The following ADGRL3 variants were observed in gnomAD, a reference collection of about 807,000 sequenced individuals.
The protein encoded by ADGRL3 is calcium-independent alpha-latrotoxin receptor 3.
ADGRL3 carries 62 observed loss-of-function variants against 153.5 expected under a neutral mutation model. That is an observed-to-expected ratio of 0.40 (90% CI 0.33 to 0.50). The LOEUF is 0.50. Ranked by LOEUF, ADGRL3 falls within the 20% of genes least tolerant of loss-of-function variation. The pLI, the probability that ADGRL3 is intolerant of heterozygous loss-of-function variation, is 0.47. For synonymous variants in ADGRL3, 710 were observed against 672.5 expected (o/e 1.06, Z -0.86); for missense variants, 1,641 against 1,859.4 (o/e 0.88, Z 2.16).
At chr4:61,715,165 A>G (rs916625967) in intron 6 of ADGRL3, among the ~76,000 whole-genome samples, 2 of 152,156 alleles carry the variant, frequency 1.3e-5, no homozygotes, top group African/African-American at 4.8e-5. Context: ...CATTTTTGAA[A>G]CACTTGGCCA....
chr4:61,498,367 C>T (rs960252561), intron 3 of ADGRL3, among the ~76,000 whole-genome samples: 1 of 151,818 alleles, frequency 6.6e-6, no homozygotes, highest in East Asian at 1.9e-4. Context: ...TGGCTAACAC[C>T]GTGAAACCCC....
chr4:61,724,379 A>G (rs571714401), intron 6 of ADGRL3, among the ~76,000 whole-genome samples: 1 of 152,346 alleles, frequency 6.6e-6, no homozygotes, highest in African/African-American at 2.4e-5. Flanking sequence ...AGATCCATCA[A>G]TGGCATGGAA....
In ADGRL3 at chr4:62,075,627, G is replaced by T. The variant is rs1341585712; in HGVS notation, c.*4719G>T. On this transcript the variant is annotated 3_prime_UTR_variant, in exon 27 of 27. Transcript: ENST00000683033. ...AACTTACCACATAAACAATTACTATGCATTTCTAAGTAACGTTTTCAATAT... is the reference window on the plus strand; with the variant it reads ...AACTTACCACATAAACAATTACTATTCATTTCTAAGTAACGTTTTCAATAT... 1.3e-5 allele frequency: 2 copies of T among 152,050 alleles called. No individual in the cohort carries two copies. The highest frequency in any genetic ancestry group is 4.8e-5 in the African/African-American group (2 of 41,398). The allele number at this position is 152,050 out of a possible 1,614,324, so 9.4% of individuals were successfully genotyped here. A position where few individuals can be genotyped will look rare whatever the true frequency, so the allele number is the denominator to read the frequency against.
intron 1 of ADGRL3, among the ~76,000 whole-genome samples, chr4:61,353,746 G>T (rs1442258058): frequency 6.6e-6 from 1 of 151,230 alleles, no homozygotes; most frequent in East Asian, 1.9e-4. Flanking sequence ...CATCCTAAGT[G>T]TTCTTTATTT....
At chr4:61,446,471 T>G (rs1285601783) in intron 2 of ADGRL3, among the ~76,000 whole-genome samples, 1 of 152,214 alleles carries the variant, frequency 6.6e-6, no homozygotes, top group African/African-American at 2.4e-5. Flanking sequence ...TCCAAGCTCT[T>G]GAGGGAGATA....
chr4:61,512,230 T>C (rs1338564181), intron 3 of ADGRL3, among the ~76,000 whole-genome samples: 4 of 152,210 alleles, frequency 2.6e-5, no homozygotes, highest in Non-Finnish European at 5.9e-5. Context: ...CACAATACTT[T>C]CCTGTTAGCT....
chr4:61,344,126 A>G (rs2095855731), intron 1 of ADGRL3, among the ~76,000 whole-genome samples: 1 of 152,202 alleles, frequency 6.6e-6, no homozygotes, highest in Non-Finnish European at 1.5e-5. Flanking sequence ...TGTGAGATAG[A>G]AAGAGAGAAA....
chr4:61,205,791 T>A (rs1736864496), intron 1 of ADGRL3, among the ~76,000 whole-genome samples: 1 of 152,110 alleles, frequency 6.6e-6, no homozygotes, highest in African/African-American at 2.4e-5. Context: ...AAATCCAGAT[T>A]TTTCATTCAT....
At chr4:61,281,723 C>T (rs966467604) in intron 1 of ADGRL3, among the ~76,000 whole-genome samples, 3 of 152,100 alleles carry the variant, frequency 2.0e-5, no homozygotes, top group African/African-American at 7.2e-5. Flanking sequence ...CTGGCCTTGA[C>T]TGAGCATTAG....
chr4:61,979,297 C>T (rs2099059180), intron 17 of ADGRL3, among the ~76,000 whole-genome samples: 1 of 152,198 alleles, frequency 6.6e-6, no homozygotes, highest in African/African-American at 2.4e-5. Flanking sequence ...GCTTTAACTA[C>T]TTATATTCTG....
At chr4:61,409,908 C>T (rs1013717152) in intron 2 of ADGRL3, among the ~76,000 whole-genome samples, 1 of 151,814 alleles carries the variant, frequency 6.6e-6, no homozygotes, top group African/African-American at 2.4e-5. Context: ...TAAGGGATCA[C>T]AGAATGGGAA....
chr4:61,441,750 G>A (rs947424517), intron 2 of ADGRL3, among the ~76,000 whole-genome samples: 4 of 152,062 alleles, frequency 2.6e-5, no homozygotes, highest in African/African-American at 9.7e-5. Flanking sequence ...TTCACATGAA[G>A]TACTGTCTTT....
chr4:61,763,412 C>A (rs537600197), intron 8 of ADGRL3, among the ~76,000 whole-genome samples: 27 of 151,916 alleles, frequency 1.8e-4, no homozygotes, highest in Non-Finnish European at 2.8e-4. Context: ...TCTCCATCTC[C>A]TGACCTCATG....
At position 61,694,176 on chromosome 4, in the gene ADGRL3, ATTATTTTTTTTTTTTTTTTTT is replaced by A. The variant is rs1482044551; in HGVS notation, c.583+17244_583+17264del. On this transcript the variant is annotated intron_variant, in intron 6 of 26. Coordinates refer to ENST00000683033, the MANE Select transcript of ADGRL3 (RefSeq NM_001387552.1). ...TCCTATACTATTTTAAAATTTTGTC[ATTATTTTTTTTTTTTTTTTTT>A]TTTTTTTTTTTTTTTTTTTTTTAGA... is the stretch of plus-strand genomic sequence containing the variant. Among the ~76,000 whole-genome samples, 445 of 94,694 alleles carry A rather than the reference ATTATTTTTTTTTTTTTTTTTT, an allele frequency of 4.7e-3. 22 individuals carry two copies. Among genetic ancestry groups the A allele is most frequent in the South Asian group, 0.011 (34 of 3,096 alleles). 62.1% of individuals were successfully genotyped at this position (94,694 alleles called of 152,430 possible).
intron 1 of ADGRL3, among the ~76,000 whole-genome samples, chr4:61,373,893 A>G (rs1313936354): frequency 6.6e-6 from 1 of 152,230 alleles, no homozygotes; most frequent in Non-Finnish European, 1.5e-5. Context: ...CTTAAAATGT[A>G]GATTTATATA....
intron 8 of ADGRL3, among the ~76,000 whole-genome samples, chr4:61,799,557 G>T (rs2097462965): frequency 6.6e-6 from 1 of 152,050 alleles, no homozygotes; most frequent in Non-Finnish European, 1.5e-5. Context: ...CCTACTCTAT[G>T]AAATATCTAT....
chr4:61,521,028 TTATC>T (rs2098527934), intron 4 of ADGRL3, among the ~76,000 whole-genome samples: 1 of 152,088 alleles, frequency 6.6e-6, no homozygotes, highest in South Asian at 2.1e-4. Flanking sequence ...TAAATATCCT[TTATC>T]TAATTACTCA....
chr4:61,507,787 C>G (rs924005499), intron 3 of ADGRL3, among the ~76,000 whole-genome samples: 1 of 152,274 alleles, frequency 6.6e-6, no homozygotes, highest in African/African-American at 2.4e-5. Flanking sequence ...GGAGAGGGAG[C>G]TAGAACTCCC....
At chr4:61,517,253 G>A (rs1429023098) in intron 3 of ADGRL3, 62 bp from the exon 4 acceptor site, 3 of 688,458 alleles carry the variant, frequency 4.4e-6, no homozygotes, top group South Asian at 3.0e-5. Flanking sequence ...CTCTACCAGG[G>A]CTCCCCTGAG....
Sources: gnomAD v4.1 joint callset for allele counts (sites outside exome capture counted in the v4.1 genomes callset) on GRCh38, gnomAD v4.1.1 for gene constraint, MANE v1.5 for transcripts, NCBI Gene and HGNC (gene_info 2026-07-23, HGNC 2026-07-21) for gene names.